Variants in SMCO1 observed in about 807,000 individuals in gnomAD.
The protein encoded by SMCO1 is single-pass membrane and coiled-coil domain-containing protein 1.
Under a neutral mutation model 7.5 loss-of-function variants are expected in SMCO1, and 9 were observed. The ratio of observed to expected loss-of-function variants is 1.20; its 90% CI spans 0.72 to 2.09. The LOEUF is 2.09. Among genes scored for constraint, SMCO1 ranks in the 30% most tolerant of loss-of-function variants. SMCO1 has a pLI of 0.00. For missense variants in SMCO1, 219 were observed against 253.1 expected (o/e 0.87, Z 0.91); for synonymous variants, 90 against 93.8 (o/e 0.96, Z 0.23).
the SMCO1 span, among the ~76,000 whole-genome samples, chr3:196,520,914 A>G: frequency 5.9e-5 from 9 of 152,386 alleles, no homozygotes; most frequent in South Asian, 1.0e-3. Context: ...TAGTATAAAC[A>G]TTGTTAATCA....
upstream of SMCO1, among the ~76,000 whole-genome samples, chr3:196,517,477 G>A (rs1482338047): frequency 1.3e-5 from 2 of 152,056 alleles, no homozygotes; most frequent in African/African-American, 4.8e-5. Flanking sequence ...TGAGCTTCTG[G>A]GTTGCCAAAT....
Position 196,508,335 on chromosome 3 carries a change from C to A in SMCO1, c.201-4G>T, listed in dbSNP as rs936778854. ...ATTCAATTCCATTGAAGTGAGCCTA[C>A]AAAAAATATGGAGAGCTTCTTAAGC... is the stretch of plus-strand genomic sequence containing the variant. On this transcript the variant is annotated splice_region_variant and splice_polypyrimidine_tract_variant and intron_variant, in intron 2 of 2. Coordinates refer to ENST00000397537, the MANE Select transcript of SMCO1 (RefSeq NM_001077657.3). 1 of 1,578,634 alleles carries A rather than the reference C, an allele frequency of 6.3e-7. No homozygotes were observed. Among genetic ancestry groups the A allele is most frequent in the African/African-American group, 1.4e-5 (1 of 73,112 alleles).
upstream of SMCO1, among the ~76,000 whole-genome samples, chr3:196,517,591 C>A (rs984807315): frequency 1.0e-4 from 15 of 149,978 alleles, no homozygotes; most frequent in Non-Finnish European, 4.4e-5. Flanking sequence ...CCCCCCCATA[C>A]CTTTCCCTAT....
upstream of SMCO1, among the ~76,000 whole-genome samples, chr3:196,519,377 G>A (rs562972852): frequency 1.2e-4 from 18 of 152,322 alleles, 1 homozygote; most frequent in South Asian, 3.5e-3. Context: ...TGTAAGACAC[G>A]TTGGTCCACT....
chr3:196,508,231 C>T lies in SMCO1; in HGVS notation c.301G>A (p.Gly101Ser). 6.2e-7 allele frequency: 1 copy of T among 1,614,158 alleles called. No homozygotes were observed. Among genetic ancestry groups the T allele is most frequent in the Non-Finnish European group, 8.5e-7 (1 of 1,180,036 alleles). Residue 101 changes from glycine (G) to serine (S), a missense_variant, in exon 3 of 3, where the codon GGT (glycine) becomes AGT (serine). Coordinates refer to ENST00000397537, the MANE Select transcript of SMCO1 (RefSeq NM_001077657.3). ...AGTACAGAGGCTAAGGTTGGAAGAC[C>T]TCTCACCAGGTCTGGCAGCTTCTCA... is the stretch of plus-strand genomic sequence containing the variant. ...VLEKLPDLVRGLPTLASVLRR... is the reference protein window; with the variant it reads ...VLEKLPDLVRSLPTLASVLRR...
At chr3:196,519,496 G>C (rs768172955), upstream of SMCO1, among the ~76,000 whole-genome samples, 1 of 152,146 alleles carries the variant, frequency 6.6e-6, no homozygotes, top group Non-Finnish European at 1.5e-5. Flanking sequence ...CCAAATTTTA[G>C]TCCTGATACT....
chr3:196,517,738 G>T (rs575564732), upstream of SMCO1, among the ~76,000 whole-genome samples: 20 of 152,098 alleles, frequency 1.3e-4, no homozygotes, highest in African/African-American at 4.6e-4. Flanking sequence ...GGCATGATCT[G>T]GGCTCACTGC....
upstream of SMCO1, among the ~76,000 whole-genome samples, chr3:196,516,056 AT>A (rs1267549381): frequency 1.2e-4 from 8 of 64,810 alleles, no homozygotes; most frequent in African/African-American, 8.4e-4. Flanking sequence ...TATACATATA[AT>A]TATATATAAT....
At chr3:196,508,413 A>G (rs773979157) in intron 2 of SMCO1, 82 bp from the exon 3 acceptor site, 49 of 1,169,498 alleles carry the variant, frequency 4.2e-5, no homozygotes, top group Non-Finnish European at 5.8e-5. Context: ...AGGATAACTC[A>G]ATATGAACCC....
intron 1 of SMCO1, among the ~76,000 whole-genome samples, chr3:196,514,475 T>C (rs1329018523): frequency 6.6e-6 from 1 of 152,212 alleles, no homozygotes. Context: ...AAGGCAAAAT[T>C]GGTTGATCCT....
chr3:196,516,581 A>C (rs1485791877), upstream of SMCO1, among the ~76,000 whole-genome samples: 1 of 152,234 alleles, frequency 6.6e-6, no homozygotes, highest in Non-Finnish European at 1.5e-5. Flanking sequence ...TTATTCACTT[A>C]TTCAATATTT....
chr3:196,508,088 G>C lies in SMCO1; in HGVS notation c.444C>G (p.Asn148Lys). The C allele has an allele frequency of 6.2e-7, 1 of 1,614,098 alleles. No homozygotes were observed. Among genetic ancestry groups the C allele is most frequent in the Non-Finnish European group, 8.5e-7 (1 of 1,180,018 alleles). The change falls in exon 3 of 3, where the codon AAC (asparagine) becomes AAG (lysine). Residue 148 changes from asparagine (N) to lysine (K), a missense_variant. Transcript: ENST00000397537. ...CTTTAGCAGTATAGTGTTCTGCCTT[G>C]TTACCACGTGCAATAAAGAAGGTAC... ...ALCTFFIARG[N>K]KAEHYTAKVR... is the part of the protein sequence containing the mutation.
chr3:196,519,832 C>T (rs1427398880), upstream of SMCO1, among the ~76,000 whole-genome samples: 1 of 152,190 alleles, frequency 6.6e-6, no homozygotes, highest in Non-Finnish European at 1.5e-5. Flanking sequence ...CTAATCCCAT[C>T]TTCTAGTTTC....
At chr3:196,517,862 C>A (rs530478248), upstream of SMCO1, among the ~76,000 whole-genome samples, 9 of 152,174 alleles carry the variant, frequency 5.9e-5, no homozygotes, top group African/African-American at 1.7e-4. Context: ...TTTTAGTCAG[C>A]TAGAAAGGGT....
upstream of SMCO1, among the ~76,000 whole-genome samples, chr3:196,517,623 T>C (rs188109396): frequency 0.013 from 1,920 of 144,450 alleles, 39 homozygotes; most frequent in African/African-American, 0.048. Flanking sequence ...AGCACCCCCC[T>C]GTGCCTTCCC....
chr3:196,515,190 G>T lies in SMCO1; in HGVS notation c.20C>A (p.Thr7Asn). The change falls in exon 1 of 3, where the codon ACC becomes AAC. Residue 7 changes from threonine to asparagine, a missense_variant. Physicochemically the swap from Thr to Asn is moderately conservative, Grantham distance 65 (BLOSUM62 0). Coordinates refer to ENST00000397537, the MANE Select transcript of SMCO1 (RefSeq NM_001077657.3). MNNETT[T>N]LISLKEAMKR... Reference sequence around the variant, plus strand: ...CATTGCCTCCTTCAAGGATATCAGGGTTGTGGTTTCATTGTTCATCTTCTG... The same window carrying T: ...CATTGCCTCCTTCAAGGATATCAGGTTTGTGGTTTCATTGTTCATCTTCTG... The T allele has an allele frequency of 6.2e-7, 1 of 1,613,742 alleles. No individual in the cohort carries two copies. The highest frequency in any genetic ancestry group is 8.5e-7 in the Non-Finnish European group (1 of 1,179,658).
Position 196,508,261 on chromosome 3 carries a change from C to T in SMCO1, c.271G>A (p.Val91Met). The change falls in exon 3 of 3, where the codon GTG becomes ATG. Residue 91 changes from valine to methionine, a missense_variant. Transcript: ENST00000397537. Reference protein sequence around the residue: ...IEVLICLHTRVLEKLPDLVRG... With the variant: ...IEVLICLHTRMLEKLPDLVRG... ...ACCAGGTCTGGCAGCTTCTCAAGCA[C>T]ACGAGTATGCAAGCAGATAAGTACT... 6.2e-7 allele frequency: 1 copy of T among 1,613,984 alleles called. No individual in the cohort carries two copies. The highest frequency in any genetic ancestry group is 8.5e-7 in the Non-Finnish European group (1 of 1,179,958).
upstream of SMCO1, among the ~76,000 whole-genome samples, chr3:196,519,252 AGGAACAGAGGGCCTCCC>A (rs1409898729): frequency 2.0e-5 from 3 of 152,232 alleles, no homozygotes; most frequent in African/African-American, 7.2e-5. Context: ...GTGATCTTTT[AGGAACAGAGGGCCTCCC>A]CTTTCCCACA....
At chr3:196,518,267 C>T (rs142988397), upstream of SMCO1, among the ~76,000 whole-genome samples, 231 of 152,380 alleles carry the variant, frequency 1.5e-3, 2 homozygotes, top group Admixed American at 0.014. Flanking sequence ...CCTCAAGCCT[C>T]CTGACATAAC....
Sources: allele counts gnomAD v4.1 joint callset (sites outside exome capture counted in the v4.1 genomes callset), GRCh38; gene constraint gnomAD v4.1.1; transcripts MANE v1.5; gene names NCBI Gene and HGNC (gene_info 2026-07-23, HGNC 2026-07-21).